LHX8: variants seen among roughly 807,000 people sequenced by gnomAD.
LHX8 encodes LIM/homeobox protein Lhx8.
Under a neutral mutation model 40.3 loss-of-function variants are expected in LHX8, and 12 were observed. The observed-to-expected ratio is 0.30, with a 90% confidence interval of 0.19 to 0.48. The LOEUF (loss-of-function observed/expected upper bound fraction) is 0.48, where lower values mean the gene tolerates loss of function less well. Among genes scored for constraint, LHX8 ranks in the 20% least tolerant of loss-of-function variants. The probability of loss-of-function intolerance (pLI) is 0.99; values close to 1 mark genes in which losing one functional copy is unlikely to be tolerated. For missense variants in LHX8, 344 were observed against 433.7 expected (o/e 0.79, Z 1.84); for synonymous variants, 179 against 162.0 (o/e 1.10, Z -0.80).
intron 6 of LHX8, 64 bp downstream of exon 6, chr1:75,144,012 C>T (rs993805121): frequency 1.6e-6 from 2 of 1,223,410 alleles, no homozygotes; most frequent in East Asian, 2.4e-5. Context: ...AAAAAGTAAC[C>T]TCCATGCTGC....
At position 75,134,820 on chromosome 1, in the gene LHX8, A is replaced by ATTT; in HGVS notation, c.-147_-146insTTT. On this transcript the variant is annotated 5_prime_UTR_variant, in exon 1 of 9. Coordinates refer to ENST00000356261, the MANE Select transcript of LHX8 (RefSeq NM_001256114.2). ...TAACGGCCTCATCTTCAGACCTGGCAATTTTTTTTTTTTATTACGTAGTAG... is the reference window on the plus strand; with the variant it reads ...TAACGGCCTCATCTTCAGACCTGGCATTTATTTTTTTTTTTTATTACGTAGTAG... The ATTT allele has an allele frequency of 2.5e-6, 1 of 401,562 alleles. No individual in the cohort carries two copies. The highest frequency in any genetic ancestry group is 3.1e-6 in the Non-Finnish European group (1 of 322,844). 24.9% of individuals were successfully genotyped at this position (401,562 alleles called of 1,614,324 possible).
intron 3 of LHX8, among the ~76,000 whole-genome samples, chr1:75,137,618 G>A (rs1479117685): frequency 7.2e-5 from 11 of 152,112 alleles, no homozygotes. Context: ...ACCCAGCCCC[G>A]AATTATTCCT....
the LHX8 span, among the ~76,000 whole-genome samples, chr1:75,191,207 C>T: frequency 3.3e-5 from 5 of 152,190 alleles, no homozygotes; most frequent in East Asian, 5.8e-4. Context: ...ATCACCCACA[C>T]AGCCAGGCCA....
intron 1 of LHX8, among the ~76,000 whole-genome samples, chr1:75,136,243 C>G (rs896525131): frequency 6.6e-6 from 1 of 151,996 alleles, no homozygotes; most frequent in Non-Finnish European, 1.5e-5. Context: ...CGGTGTTCCC[C>G]GCTCCGCTAT....
chr1:75,130,716 T>C, upstream of LHX8: 2 of 1,614,144 alleles, frequency 1.2e-6, no homozygotes, highest in South Asian at 1.1e-5. Context: ...TGAGGGGTTA[T>C]GCAGATTCTG....
At chr1:75,170,011 T>C in the LHX8 span, among the ~76,000 whole-genome samples, 1 of 152,208 alleles carries the variant, frequency 6.6e-6, no homozygotes, top group Non-Finnish European at 1.5e-5. Context: ...CATTTTTTCC[T>C]TTTCAGCAGA....
At chr1:75,195,142 G>A in the LHX8 span, among the ~76,000 whole-genome samples, 1 of 152,146 alleles carries the variant, frequency 6.6e-6, no homozygotes, top group East Asian at 1.9e-4. Flanking sequence ...TCTCTCCTCT[G>A]CAATGTGTCA....
chr1:75,165,220 G>A (rs114376860), downstream of LHX8, among the ~76,000 whole-genome samples: 1,040 of 152,118 alleles, frequency 6.8e-3, 17 homozygotes, highest in African/African-American at 0.024. Context: ...TTTTAAATGC[G>A]TTTCTGTATA....
Position 75,137,117 on chromosome 1 carries a change from G to T in LHX8, c.93G>T (p.Ala31=). The T allele has an allele frequency of 1.2e-6, 2 of 1,606,532 alleles. No individual in the cohort carries two copies. The highest frequency in any genetic ancestry group is 8.5e-7 in the Non-Finnish European group (1 of 1,175,302). The change falls in exon 3 of 9, where the codon GCG becomes GCT. Residue 31 remains alanine (A), a synonymous_variant. Transcript: ENST00000356261. ...GEEGLVSPEG[A]GDEDSCSSSA... ...TCCTGCAGGTGAGCCCCGAGGGAGC[G>T]GGGGACGAGGACTCGTGCTCCTCCT...
chr1:75,199,060 C>G, the LHX8 span, among the ~76,000 whole-genome samples: 1 of 152,182 alleles, frequency 6.6e-6, no homozygotes, highest in Non-Finnish European at 1.5e-5. Context: ...TGATTAGTTT[C>G]ATTGTAACAC....
chr1:75,160,722 A>G (rs555089498), intron 8 of LHX8, 97 bp from the exon 9 acceptor site: 2 of 824,970 alleles, frequency 2.4e-6, no homozygotes. Context: ...AGCTATAATG[A>G]GTGATGAAAA....
At chr1:75,178,667 T>C in the LHX8 span, among the ~76,000 whole-genome samples, 2 of 152,216 alleles carry the variant, frequency 1.3e-5, no homozygotes, top group Admixed American at 1.3e-4. Flanking sequence ...TGTGTCTCTA[T>C]CTCCTTCAGT....
At chr1:75,175,124 C>G in the LHX8 span, among the ~76,000 whole-genome samples, 1 of 152,206 alleles carries the variant, frequency 6.6e-6, no homozygotes, top group African/African-American at 2.4e-5. Flanking sequence ...ATCCAGGTTG[C>G]AGCAAATGTC....
chr1:75,199,337 C>T, the LHX8 span, among the ~76,000 whole-genome samples: 2 of 152,156 alleles, frequency 1.3e-5, no homozygotes, highest in Non-Finnish European at 2.9e-5. Context: ...CAGCCGTGCA[C>T]ATTCATCTGC....
At chr1:75,166,728 T>C in the LHX8 span, among the ~76,000 whole-genome samples, 6 of 152,290 alleles carry the variant, frequency 3.9e-5, no homozygotes, top group Admixed American at 2.0e-4. Flanking sequence ...GTCTCAGAAG[T>C]CTTGGTGAAC....
intron 6 of LHX8, among the ~76,000 whole-genome samples, chr1:75,147,046 A>G (rs1035771872): frequency 3.3e-5 from 5 of 152,202 alleles, no homozygotes; most frequent in African/African-American, 4.8e-5. Context: ...GCATAGAAAC[A>G]TAACTCTATT....
chr1:75,193,876 A>C, the LHX8 span, among the ~76,000 whole-genome samples: 1 of 152,188 alleles, frequency 6.6e-6, no homozygotes, highest in Admixed American at 6.5e-5. Context: ...TCCACAAACC[A>C]TGTCTATTTC....
chr1:75,180,309 C>T, the LHX8 span, among the ~76,000 whole-genome samples: 17,953 of 152,236 alleles, frequency 0.12, 1,277 homozygotes, highest in Middle Eastern at 0.22. Context: ...CCATTCTCCC[C>T]GTCACTTTCA....
intron 7 of LHX8, among the ~76,000 whole-genome samples, chr1:75,155,379 C>T (rs1210679109): frequency 6.6e-6 from 1 of 151,952 alleles, no homozygotes; most frequent in Non-Finnish European, 1.5e-5. Flanking sequence ...GGACTACAGG[C>T]ACCCGCCACC....
Sources: allele counts gnomAD v4.1 joint callset (sites outside exome capture counted in the v4.1 genomes callset), GRCh38; gene constraint gnomAD v4.1.1; transcripts MANE v1.5; gene names NCBI Gene and HGNC (gene_info 2026-07-23, HGNC 2026-07-21).